Variants in LDLRAD4 observed in about 807,000 individuals in gnomAD.
LDLRAD4 encodes the protein low-density lipoprotein receptor class A domain-containing protein 4.
LDLRAD4 carries 5 observed loss-of-function variants against 17.0 expected under a neutral mutation model. The ratio of observed to expected loss-of-function variants is 0.29; its 90% CI spans 0.15 to 0.62. The LOEUF is 0.62. LDLRAD4 is among the 20% of genes least tolerant of loss of function. The probability of loss-of-function intolerance (pLI) is 0.84; values close to 1 mark genes in which losing one functional copy is unlikely to be tolerated. For missense variants in LDLRAD4, 340 were observed against 424.7 expected, an observed-to-expected ratio of 0.80 and a Z score of 1.75; for synonymous variants, 168 against 171.8, an observed-to-expected ratio of 0.98 and a Z score of 0.17.
chr18:13,620,479 G>T (rs77244558), intron 3 of LDLRAD4, among the ~76,000 whole-genome samples: 6,850 of 152,338 alleles, frequency 0.045, 220 homozygotes, highest in Non-Finnish European at 0.073. Context: ...CCCTCGACCT[G>T]CTTCCTCTCC....
Position 13,356,282 on chromosome 18 carries a change from GTGGCTGTGAGCCTT to G in LDLRAD4, c.-382-31054_-382-31041del, listed in dbSNP as rs2083337771. On this transcript the variant is annotated intron_variant, in intron 1 of 5. Coordinates refer to ENST00000359446, the Ensembl canonical transcript of LDLRAD4. The stretch of plus-strand genomic sequence containing the variant: ...ATCCAATGGGAATCTCCTTGGAAGG[GTGGCTGTGAGCCTT>G]TGGCAGCAGGCGCCCGCAGCTCTTG... Among the ~76,000 whole-genome samples the G allele has an allele frequency of 2.0e-5, 3 of 152,374 alleles. No homozygotes were observed. In the South Asian group the frequency reaches 6.2e-4, roughly 32 times the overall value.
chr18:13,405,000 G>A (rs552407047), intron 2 of LDLRAD4, among the ~76,000 whole-genome samples: 133 of 152,046 alleles, frequency 8.7e-4, no homozygotes, highest in Admixed American at 2.2e-3. Context: ...AAAAGTAGGT[G>A]TGACCTCTGT....
Position 13,552,586 on chromosome 18 carries a change from T to C in LDLRAD4, c.182-68531T>C, listed in dbSNP as rs1346315135. Among the ~76,000 whole-genome samples, 3 of 152,316 alleles carry C rather than the reference T, an allele frequency of 2.0e-5. No individual in the cohort carries two copies. The East Asian group carries it at 5.8e-4, about 29-fold the overall frequency. The stretch of plus-strand genomic sequence containing the variant: ...GCAGTTTGATTGTGCCTTTGATAGA[T>C]GGCCAGGGCTCACCCTCCTCCCTCC... On this transcript the variant is annotated intron_variant, in intron 3 of 5. Transcript: ENST00000359446.
In LDLRAD4 at chr18:13,452,827, C is replaced by A. The variant is rs944231432; in HGVS notation, c.181+14443C>A. On this transcript the variant is annotated intron_variant, in intron 3 of 5. Coordinates refer to ENST00000359446, the Ensembl canonical transcript of LDLRAD4. ...ATATGTGATAAGAACTCATCGGACC[C>A]CTCCTTAGGATTAAGGAGGTCAGTG... is the stretch of plus-strand genomic sequence containing the variant. Among the ~76,000 whole-genome samples, 54 of 152,158 alleles carry A rather than the reference C, an allele frequency of 3.5e-4. 1 individual carries two copies. Among genetic ancestry groups the A allele is most frequent in the African/African-American group, 1.1e-3 (44 of 41,426 alleles).
intron 1 of LDLRAD4, among the ~76,000 whole-genome samples, chr18:13,269,561 TC>T (rs911202989): frequency 7.3e-5 from 11 of 151,510 alleles, no homozygotes; most frequent in African/African-American, 2.2e-4. Flanking sequence ...GGGTAGATGA[TC>T]TTTTTTTTTT....
At chr18:13,428,662 G>T (rs12959031) in intron 2 of LDLRAD4, among the ~76,000 whole-genome samples, 1 of 152,148 alleles carries the variant, frequency 6.6e-6, no homozygotes, top group Non-Finnish European at 1.5e-5. Flanking sequence ...GGTGACTGTA[G>T]TGAGGTGGTG....
chr18:13,593,628 A>G (rs1207092776), intron 3 of LDLRAD4, among the ~76,000 whole-genome samples: 2 of 152,176 alleles, frequency 1.3e-5, no homozygotes, highest in Non-Finnish European at 2.9e-5. Context: ...CTGTCTATCT[A>G]GCTAGCTAGC....
chr18:13,338,693 T>C (rs764209949), intron 1 of LDLRAD4, among the ~76,000 whole-genome samples: 5 of 152,244 alleles, frequency 3.3e-5, no homozygotes, highest in Non-Finnish European at 5.9e-5. Flanking sequence ...GCTTACTTCT[T>C]GACACTTAAG....
chr18:13,537,624 C>T (rs11663264), intron 3 of LDLRAD4, among the ~76,000 whole-genome samples: 39,781 of 152,032 alleles, frequency 0.26, 5,891 homozygotes, highest in Middle Eastern at 0.39. Context: ...AACCGGTACT[C>T]GTCTGCAGCC....
Position 13,645,003 on chromosome 18 carries a change from TTC to T in LDLRAD4, c.391-123_391-122del. ...GGATTTTCCTGTTTTCTTTTTTTTT[TTC>T]CTGGGAGATGGTGTTCAAACTGGTA... On this transcript the variant is annotated intron_variant, in intron 5 of 5. Coordinates refer to ENST00000359446, the Ensembl canonical transcript of LDLRAD4. The surrounding 1 kb of genome is among the most constrained non-coding windows in gnomAD (Gnocchi z 5.7). 2 of 788,154 alleles carry T rather than the reference TTC, an allele frequency of 2.5e-6. No individual in the cohort carries two copies. Among genetic ancestry groups the T allele is most frequent in the East Asian group, 2.5e-5 (1 of 40,078 alleles). The allele number at this position is 788,154 out of a possible 1,614,324, so 48.8% of individuals were successfully genotyped here.
At position 13,318,581 on chromosome 18, in the gene LDLRAD4, A is replaced by G. The variant is rs1392352203; in HGVS notation, c.-383+40393A>G. Among the ~76,000 whole-genome samples, 4 of 152,206 alleles carry G rather than the reference A, an allele frequency of 2.6e-5. No individual in the cohort carries two copies. In the East Asian group the frequency reaches 5.8e-4, roughly 22 times the overall value. On this transcript the variant is annotated intron_variant, in intron 1 of 5. Transcript: ENST00000359446. ...ACCTCATAAAATAGAATAAATGCCC[A>G]TCCATAAGACTAAAATTTCTTGTGT...
intron 1 of LDLRAD4, among the ~76,000 whole-genome samples, chr18:13,287,215 A>C (rs578220974): frequency 6.6e-6 from 1 of 152,204 alleles, no homozygotes; most frequent in Non-Finnish European, 1.5e-5. Flanking sequence ...ATATCTTAGT[A>C]TATCTTTCTA....
At chr18:13,603,737 T>C (rs2095190565) in intron 3 of LDLRAD4, among the ~76,000 whole-genome samples, 1 of 152,214 alleles carries the variant, frequency 6.6e-6, no homozygotes, top group East Asian at 1.9e-4. Flanking sequence ...ACTGGTGCCT[T>C]CACCCACTCC....
At chr18:13,515,025 G>C (rs1428935851) in intron 3 of LDLRAD4, 1 of 152,196 alleles carries the variant, frequency 6.6e-6, no homozygotes, top group African/African-American at 2.4e-5. Context: ...AGGTGGGTGG[G>C]CAACTTTTTT....
chr18:13,642,612 C>T, intron 4 of LDLRAD4: 11 of 1,230,264 alleles, frequency 8.9e-6, no homozygotes, highest in Non-Finnish European at 1.0e-5. Flanking sequence ...CCTGCGAGCG[C>T]GGACTTGCGC....
At chr18:13,218,195 G>C (rs1275400056), upstream of LDLRAD4, 1 of 152,344 alleles carries the variant, frequency 6.6e-6, no homozygotes, top group Non-Finnish European at 1.5e-5. Context: ...GGAACCGGAC[G>C]CTTTGGGAAC....
intron 3 of LDLRAD4, chr18:13,543,067 G>A (rs1274201408): frequency 6.6e-6 from 1 of 152,184 alleles, no homozygotes; most frequent in African/African-American, 2.4e-5. Flanking sequence ...TGGCTCTTCG[G>A]AAGGTAATTT....
intron 3 of LDLRAD4, among the ~76,000 whole-genome samples, chr18:13,496,407 T>A (rs2093470597): frequency 6.6e-6 from 1 of 152,218 alleles, no homozygotes; most frequent in Admixed American, 6.5e-5. Flanking sequence ...GGATGAGGTT[T>A]CTACAGGCAA....
At chr18:13,564,465 C>T (rs1437224921) in intron 3 of LDLRAD4, among the ~76,000 whole-genome samples, 4 of 151,966 alleles carry the variant, frequency 2.6e-5, no homozygotes, top group Non-Finnish European at 4.4e-5. Context: ...TTGTCTTTCC[C>T]CTCTGCTAAG....
Sources: gnomAD v4.1 joint callset for allele counts (sites outside exome capture counted in the v4.1 genomes callset) on GRCh38, gnomAD v4.1.1 for gene constraint, Gnocchi (gnomAD v3.1) non-coding constraint, MANE v1.5 for transcripts, NCBI Gene and HGNC (gene_info 2026-07-23, HGNC 2026-07-21) for gene names.